Variants in PAK1 observed in about 807,000 individuals in gnomAD.
PAK1 encodes the protein p21 (RAC1) activated kinase 1.
PAK1 carries 29 observed loss-of-function variants against 67.4 expected under a neutral mutation model. The ratio of observed to expected loss-of-function variants is 0.43; its 90% CI spans 0.32 to 0.59. The LOEUF is 0.59. Ranked by LOEUF, PAK1 falls within the 20% of genes least tolerant of loss-of-function variation. The probability of loss-of-function intolerance (pLI) is 0.07; values close to 1 mark genes in which losing one functional copy is unlikely to be tolerated. For missense variants in PAK1, 337 were observed against 670.7 expected (o/e 0.50, Z 5.50); for synonymous variants, 223 against 237.4 (o/e 0.94, Z 0.56).
intron 1 of PAK1, among the ~76,000 whole-genome samples, chr11:77,419,656 C>T (rs566396580): frequency 9.2e-5 from 14 of 152,272 alleles, no homozygotes; most frequent in African/African-American, 2.4e-4. Context: ...GGTTCTTTTG[C>T]AACCACAAAT....
At chr11:77,497,642 T>G in the PAK1 span, among the ~76,000 whole-genome samples, 1 of 152,246 alleles carries the variant, frequency 6.6e-6, no homozygotes, top group Non-Finnish European at 1.5e-5. Flanking sequence ...GTTCAGCTGC[T>G]TGAGCCAAGA....
intron 1 of PAK1, among the ~76,000 whole-genome samples, chr11:77,467,292 A>G (rs930850893): frequency 5.3e-5 from 8 of 152,146 alleles, no homozygotes; most frequent in Non-Finnish European, 2.9e-5. Flanking sequence ...CTGTGTTCAC[A>G]TGGCACTTGC....
rs115805916 is a variant in PAK1, at chr11:77,384,872, G to T, written c.191-4878C>A. ...AAAACCACGGAATTGTACATTTTAAGATGGTGACTTGTATGGCATGTGAAT... is the reference window on the plus strand; with the variant it reads ...AAAACCACGGAATTGTACATTTTAATATGGTGACTTGTATGGCATGTGAAT... On this transcript the variant is annotated intron_variant, in intron 2 of 14. Transcript: ENST00000356341. Among the ~76,000 whole-genome samples, 1,117 of 152,214 alleles carry T rather than the reference G, an allele frequency of 7.3e-3. 27 individuals carry two copies. The highest frequency in any genetic ancestry group is 0.026 in the African/African-American group (1,067 of 41,530).
At chr11:77,490,358 C>G in the PAK1 span, among the ~76,000 whole-genome samples, 1 of 145,024 alleles carries the variant, frequency 6.9e-6, no homozygotes, top group African/African-American at 2.6e-5. Flanking sequence ...CCCGGCCAGC[C>G]GCCCCGTCCG....
At chr11:77,444,286 T>TAAAAAAA (rs142183219) in intron 1 of PAK1, among the ~76,000 whole-genome samples, 1 of 116,794 alleles carries the variant, frequency 8.6e-6, no homozygotes. Context: ...TGGAGAGCTC[T>TAAAAAAA]AAAAAAAAAA....
intron 1 of PAK1, among the ~76,000 whole-genome samples, chr11:77,443,072 C>A (rs1412383489): frequency 6.6e-6 from 1 of 152,052 alleles, no homozygotes; most frequent in Non-Finnish European, 1.5e-5. Context: ...TGCCTGTAAT[C>A]CCAGCACTTT....
intron 1 of PAK1, among the ~76,000 whole-genome samples, chr11:77,405,670 GAC>G (rs370157407): frequency 0.05 from 6,293 of 125,620 alleles, 257 homozygotes; most frequent in African/African-American, 0.14. Context: ...CAGACAGACA[GAC>G]AGACACACAC....
intron 1 of PAK1, among the ~76,000 whole-genome samples, chr11:77,396,020 C>T (rs1951786120): frequency 6.6e-6 from 1 of 152,156 alleles, no homozygotes; most frequent in Admixed American, 6.6e-5. Flanking sequence ...CCTTCCCTGC[C>T]TCCCAGGTCC....
At chr11:77,427,926 C>T (rs1177011890) in intron 1 of PAK1, among the ~76,000 whole-genome samples, 2 of 152,080 alleles carry the variant, frequency 1.3e-5, no homozygotes, top group East Asian at 1.9e-4. Context: ...AGAGAGTTGG[C>T]TAAGCCAGAC....
intron 10 of PAK1, among the ~76,000 whole-genome samples, chr11:77,342,056 T>C (rs1401266553): frequency 1.3e-5 from 2 of 152,188 alleles, no homozygotes; most frequent in East Asian, 3.8e-4. Context: ...CTAATGTTAT[T>C]AGGAGGTGGG....
intron 1 of PAK1, among the ~76,000 whole-genome samples, chr11:77,456,934 G>A (rs1443280079): frequency 6.6e-6 from 1 of 151,988 alleles, no homozygotes; most frequent in Non-Finnish European, 1.5e-5. Context: ...GTAGAGACAG[G>A]GTTTCTCCGT....
rs200848462 is a variant in PAK1 at position 77,407,044 on chromosome 11, AT to A, written c.-21-14504del. Reference sequence around the variant, plus strand: ...ACGTGCCTACTATATAATTATTATTATTTTTTTATATGATTATTTTTAAGCT... The same window carrying A: ...ACGTGCCTACTATATAATTATTATTATTTTTTATATGATTATTTTTAAGCT... On this transcript the variant is annotated intron_variant, in intron 1 of 14. Coordinates refer to ENST00000356341, the MANE Select transcript of PAK1 (RefSeq NM_002576.5). 5.1e-3 allele frequency among the ~76,000 whole-genome samples: 779 copies of A among 152,190 alleles called. 7 individuals are homozygous for A. Among genetic ancestry groups the A allele is most frequent in the Middle Eastern group, 0.024 (7 of 294 alleles).
chr11:77,417,776 C>A lies in PAK1; in HGVS notation c.-21-25235G>T, dbSNP rs368933047. On this transcript the variant is annotated intron_variant, in intron 1 of 14. Coordinates refer to ENST00000356341, the MANE Select transcript of PAK1 (RefSeq NM_002576.5). ...TGAGACAGAGTTTCACTCCTGTTGCCCAGGCTGGAGTGCAATGGTGTGATC... is the reference window on the plus strand; with the variant it reads ...TGAGACAGAGTTTCACTCCTGTTGCACAGGCTGGAGTGCAATGGTGTGATC... Among the ~76,000 whole-genome samples the A allele has an allele frequency of 2.6e-5, 4 of 151,490 alleles. No individual in the cohort carries two copies. In the South Asian group the frequency reaches 6.2e-4, roughly 24 times the overall value.
chr11:77,511,104 T>G, the PAK1 span, among the ~76,000 whole-genome samples: 1 of 152,208 alleles, frequency 6.6e-6, no homozygotes, highest in Non-Finnish European at 1.5e-5. Context: ...TTGGCAATCC[T>G]GAAATACAGT....
the PAK1 span, among the ~76,000 whole-genome samples, chr11:77,528,948 G>A: frequency 6.6e-6 from 1 of 152,154 alleles, no homozygotes; most frequent in African/African-American, 2.4e-5. Context: ...CTGTCCCACT[G>A]TTAATAATGC....
At chr11:77,412,910 T>A (rs1954712781) in intron 1 of PAK1, among the ~76,000 whole-genome samples, 1 of 152,236 alleles carries the variant, frequency 6.6e-6, no homozygotes, top group Non-Finnish European at 1.5e-5. Flanking sequence ...GGCATTGTGA[T>A]GGAACCTGAG....
the PAK1 span, among the ~76,000 whole-genome samples, chr11:77,504,158 G>T: frequency 6.6e-6 from 1 of 152,124 alleles, no homozygotes; most frequent in African/African-American, 2.4e-5. Flanking sequence ...CTTTCAAAGT[G>T]CTGGGATTAT....
At chr11:77,470,090 C>G (rs1223956659) in intron 1 of PAK1, among the ~76,000 whole-genome samples, 1 of 152,140 alleles carries the variant, frequency 6.6e-6, no homozygotes, top group Non-Finnish European at 1.5e-5. Context: ...TTTTCTCCCA[C>G]TTTCTGGTTA....
intron 10 of PAK1, among the ~76,000 whole-genome samples, chr11:77,342,760 A>C (rs1943806448): frequency 6.6e-6 from 1 of 152,184 alleles, no homozygotes. Context: ...GCCCTTATGA[A>C]ATCTACCAGT....
Sources: gnomAD v4.1 joint callset for allele counts (sites outside exome capture counted in the v4.1 genomes callset) on GRCh38, gnomAD v4.1.1 for gene constraint, MANE v1.5 for transcripts, NCBI Gene and HGNC (gene_info 2026-07-23, HGNC 2026-07-21) for gene names.